PPIP5K2: variants seen among roughly 807,000 people sequenced by gnomAD.
PPIP5K2 encodes the protein inositol hexakisphosphate and diphosphoinositol-pentakisphosphate kinase 2.
PPIP5K2 carries 105 observed loss-of-function variants against 154.6 expected under a neutral mutation model. That is an observed-to-expected ratio of 0.68 (90% CI 0.58 to 0.80). PPIP5K2 has a LOEUF of 0.80. PPIP5K2 is among the 30% of genes least tolerant of loss of function. The probability of loss-of-function intolerance (pLI) is 0.00; values close to 1 mark genes in which losing one functional copy is unlikely to be tolerated. For missense variants in PPIP5K2, 992 were observed against 1,504.6 expected (o/e 0.66, Z 5.64); for synonymous variants, 480 against 490.3 (o/e 0.98, Z 0.28).
chr5:103,191,990 G>T (rs1554227079), intron 29 of PPIP5K2, among the ~76,000 whole-genome samples: 1 of 151,964 alleles, frequency 6.6e-6, no homozygotes. Flanking sequence ...TTTTATGTCT[G>T]ACTGTCATTC....
At chr5:103,155,678 G>A (rs782027474) in intron 13 of PPIP5K2, among the ~76,000 whole-genome samples, 2 of 151,394 alleles carry the variant, frequency 1.3e-5, no homozygotes, top group Non-Finnish European at 2.9e-5. Context: ...CACTCACCTC[G>A]GCCTCCCAAA....
chr5:103,175,389 A>G (rs997421871), intron 21 of PPIP5K2, among the ~76,000 whole-genome samples: 5 of 134,104 alleles, frequency 3.7e-5, no homozygotes, highest in East Asian at 2.3e-4. Context: ...GATTAGTGGG[A>G]AAAAAAATGA....
intron 2 of PPIP5K2, among the ~76,000 whole-genome samples, chr5:103,129,922 C>T (rs1790337500): frequency 1.3e-5 from 2 of 152,010 alleles, no homozygotes; most frequent in African/African-American, 4.8e-5. Context: ...TTCAGTGATA[C>T]GCATAGTGTA....
chr5:103,144,791 C>G (rs1282107762), intron 5 of PPIP5K2, among the ~76,000 whole-genome samples: 1 of 152,036 alleles, frequency 6.6e-6, no homozygotes, highest in Non-Finnish European at 1.5e-5. Context: ...AAATCTAAGA[C>G]CTGAAGCTAT....
intron 1 of PPIP5K2, among the ~76,000 whole-genome samples, chr5:103,121,703 GGTT>G (rs1257849295): frequency 6.6e-6 from 1 of 152,186 alleles, no homozygotes; most frequent in Non-Finnish European, 1.5e-5. Context: ...CTGCAGCACA[GGTT>G]TATTTAAAGC....
chr5:103,152,612 G>T lies in PPIP5K2; in HGVS notation c.1029-36G>T, dbSNP rs201519138. 3 of 1,355,054 alleles carry T rather than the reference G, an allele frequency of 2.2e-6. No individual in the cohort carries two copies. The East Asian group carries it at 6.9e-5, about 31-fold the overall frequency. The allele number at this position is 1,355,054 out of a possible 1,614,324, so 83.9% of individuals were successfully genotyped here. A position where few individuals can be genotyped will look rare whatever the true frequency, so the allele number is the denominator to read the frequency against. On this transcript the variant is annotated intron_variant, in intron 9 of 30. Coordinates refer to ENST00000358359, the MANE Select transcript of PPIP5K2 (RefSeq NM_001276277.3). ...TAAGTACCCAGTTTTGTCTTAAAAC[G>T]TACTAATTTTAAATCTTTTCTTTTT...
intron 23 of PPIP5K2, among the ~76,000 whole-genome samples, chr5:103,178,531 C>T (rs1278237808): frequency 2.0e-5 from 3 of 151,464 alleles, no homozygotes; most frequent in Non-Finnish European, 4.4e-5. Flanking sequence ...AGAACTCCTC[C>T]AGCTTTGTTG....
intron 30 of PPIP5K2, among the ~76,000 whole-genome samples, chr5:103,198,952 AT>A (rs59180837): frequency 2.7e-5 from 4 of 149,056 alleles, no homozygotes; most frequent in Non-Finnish European, 3.0e-5. Context: ...ATCTTTTTGC[AT>A]TTTTTTTTGT....
At position 103,207,405 on chromosome 5, in the gene PPIP5K2, A is replaced by C. The variant is rs1051289567; in HGVS notation, c.*5771A>C. On this transcript the variant is annotated 3_prime_UTR_variant, in exon 31 of 31. Transcript: ENST00000358359. ...ATGATTCTGTGGAAAAGAAGGATAT[A>C]TGACCAAAATCATCATTTTGGATAG... 6.6e-6 allele frequency: 1 copy of C among 152,166 alleles called. No homozygotes were observed. The highest frequency in any genetic ancestry group is 2.4e-5 in the African/African-American group (1 of 41,454). The allele number at this position is 152,166 out of a possible 1,614,324, so 9.4% of individuals were successfully genotyped here.
At chr5:103,196,308 C>T (rs1211231558) in intron 30 of PPIP5K2, among the ~76,000 whole-genome samples, 1 of 152,118 alleles carries the variant, frequency 6.6e-6, no homozygotes, top group African/African-American at 2.4e-5. Flanking sequence ...GATTATAACT[C>T]TATCAGATTA....
intron 7 of PPIP5K2, chr5:103,148,351 C>T (rs1554209994): frequency 7.0e-6 from 2 of 285,840 alleles, no homozygotes; most frequent in Non-Finnish European, 6.8e-6. Flanking sequence ...TAATAAGATA[C>T]CAGGGATAAA....
intron 24 of PPIP5K2, among the ~76,000 whole-genome samples, chr5:103,180,645 C>T (rs560166098): frequency 3.3e-5 from 5 of 151,604 alleles, no homozygotes; most frequent in Non-Finnish European, 7.4e-5. Context: ...GTCAGGAGAT[C>T]GAGACCATCC....
intron 5 of PPIP5K2, among the ~76,000 whole-genome samples, chr5:103,142,279 G>T (rs1341365422): frequency 2.0e-5 from 3 of 152,166 alleles, no homozygotes; most frequent in Non-Finnish European, 4.4e-5. Flanking sequence ...TGGCCCGGGT[G>T]CTAAGTCCCT....
In PPIP5K2 at chr5:103,183,206, TTTTTTTTGC is replaced by T; in HGVS notation, c.2923-27_2923-19del. Reference sequence around the variant, plus strand: ...TTTTTTTTTTTTTTTTTTTTTTTTTTTTTTTTTGCCCCCTTTCTCACTTCCAGGAAGAGA... The same window carrying T: ...TTTTTTTTTTTTTTTTTTTTTTTTTTCCCCTTTCTCACTTCCAGGAAGAGA... On this transcript the variant is annotated intron_variant, in intron 24 of 30. Transcript: ENST00000358359. 14 of 919,484 alleles carry T rather than the reference TTTTTTTTGC, an allele frequency of 1.5e-5. No homozygotes were observed. The highest frequency in any genetic ancestry group is 9.0e-5 in the South Asian group (2 of 22,106). The allele number at this position is 919,484 out of a possible 1,614,324, so 57.0% of individuals were successfully genotyped here.
In PPIP5K2 at chr5:103,191,830, C is replaced by A. The variant is rs150952801; in HGVS notation, c.3493+848C>A. ...AAAGAGTTAGTTTTGGGAGAGAGTGCTTTGCTTAGAGCTAAGAATCTTACT... is the reference window on the plus strand; with the variant it reads ...AAAGAGTTAGTTTTGGGAGAGAGTGATTTGCTTAGAGCTAAGAATCTTACT... On this transcript the variant is annotated intron_variant, in intron 29 of 30. Transcript: ENST00000358359. Among the ~76,000 whole-genome samples, 1,025 of 152,036 alleles carry A rather than the reference C, an allele frequency of 6.7e-3. 7 individuals carry two copies. The highest frequency in any genetic ancestry group is 0.013 in the Non-Finnish European group (852 of 67,908).
At chr5:103,187,595 T>C (rs782727108) in intron 28 of PPIP5K2, among the ~76,000 whole-genome samples, 5 of 152,104 alleles carry the variant, frequency 3.3e-5, no homozygotes, top group Non-Finnish European at 7.4e-5. Context: ...CATCAAACTT[T>C]TAATGACCAC....
rs1261960652 is a variant in PPIP5K2, at chr5:103,207,370, C to CCTAAA, written c.*5737_*5741dup. Reference sequence around the variant, plus strand: ...ATTGACCCTAGTTAAGAACCACTGCCCTAAAGCACATGATTCTGTGGAAAA... The same window carrying CCTAAA: ...ATTGACCCTAGTTAAGAACCACTGCCCTAAACTAAAGCACATGATTCTGTGGAAAA... On this transcript the variant is annotated 3_prime_UTR_variant, in exon 31 of 31. Transcript: ENST00000358359. 1 of 152,038 alleles carries CCTAAA rather than the reference C, an allele frequency of 6.6e-6. No individual in the cohort carries two copies. Among genetic ancestry groups the CCTAAA allele is most frequent in the Non-Finnish European group, 1.5e-5 (1 of 68,008 alleles). 9.4% of individuals were successfully genotyped at this position (152,038 alleles called of 1,614,324 possible).
chr5:103,191,813 A>G (rs1355808054), intron 29 of PPIP5K2, among the ~76,000 whole-genome samples: 1 of 151,996 alleles, frequency 6.6e-6, no homozygotes, highest in Non-Finnish European at 1.5e-5. Flanking sequence ...AGAAAGAGTT[A>G]GTTTTGGGAG....
chr5:103,174,512 T>C (rs572631494), intron 21 of PPIP5K2, among the ~76,000 whole-genome samples: 4 of 151,952 alleles, frequency 2.6e-5, no homozygotes, highest in Non-Finnish European at 5.9e-5. Flanking sequence ...TTTTCTCTCA[T>C]GTTTGGTGCT....
Sources: allele counts gnomAD v4.1 joint callset (sites outside exome capture counted in the v4.1 genomes callset), GRCh38; gene constraint gnomAD v4.1.1; transcripts MANE v1.5; gene names NCBI Gene and HGNC (gene_info 2026-07-23, HGNC 2026-07-21).